MACROD1: variants seen among roughly 807,000 people sequenced by gnomAD.
The protein encoded by MACROD1 is ADP-ribose glycohydrolase MACROD1.
A neutral mutation model predicts 41.4 loss-of-function variants in MACROD1; 31 were observed. The observed-to-expected ratio is 0.75, with a 90% confidence interval of 0.56 to 1.01. The LOEUF is 1.01. Ranked by LOEUF, MACROD1 falls within the 50% of genes least tolerant of loss-of-function variation. The pLI is 0.00. For synonymous variants in MACROD1, 252 were observed against 203.4 expected, an observed-to-expected ratio of 1.24 and a Z score of -2.03; for missense variants, 473 against 460.0, an observed-to-expected ratio of 1.03 and a Z score of -0.26.
intron 5 of MACROD1, 38 bp from the exon 6 acceptor site, chr11:63,999,801 C>A (rs752156441): frequency 6.3e-7 from 1 of 1,585,412 alleles, no homozygotes; most frequent in Admixed American, 1.7e-5. Context: ...CGGGGGTCTA[C>A]GCGGTCCTCA....
chr11:64,148,296 C>G lies in MACROD1; in HGVS notation c.517+2943G>C, dbSNP rs928876353. On this transcript the variant is annotated intron_variant, in intron 3 of 10. Transcript: ENST00000255681. Reference sequence around the variant, plus strand: ...TCCCTCACAGCCCTCTCCTAGCTCCCACTGCACCCTTCCCCTCCACATCCC... The same window carrying G: ...TCCCTCACAGCCCTCTCCTAGCTCCGACTGCACCCTTCCCCTCCACATCCC... Among the ~76,000 whole-genome samples the G allele has an allele frequency of 2.6e-5, 4 of 152,196 alleles. No homozygotes were observed. The South Asian group carries it at 8.3e-4, about 31-fold the overall frequency.
At position 64,106,236 on chromosome 11, in the gene MACROD1, C is replaced by A. The variant is rs150597570; in HGVS notation, c.517+45003G>T. Among the ~76,000 whole-genome samples, 8 of 152,302 alleles carry A rather than the reference C, an allele frequency of 5.3e-5. No homozygotes were observed. In the East Asian group the frequency reaches 1.4e-3, roughly 26 times the overall value. The stretch of plus-strand genomic sequence containing the variant: ...ACCCCTCTGCCATCTGCTGCACAAT[C>A]CAGACCTTTCCCTTTGCCTCTTTGG... On this transcript the variant is annotated intron_variant, in intron 3 of 10. Transcript: ENST00000255681.
At position 64,084,857 on chromosome 11, in the gene MACROD1, A is replaced by G. The variant is rs547385212; in HGVS notation, c.517+66382T>C. Reference sequence around the variant, plus strand: ...TGCCCCGGCCCGGGAGGGGCGCAAGACCACAGGACTCACAGGGAGAGCTGC... The same window carrying G: ...TGCCCCGGCCCGGGAGGGGCGCAAGGCCACAGGACTCACAGGGAGAGCTGC... On this transcript the variant is annotated intron_variant, in intron 3 of 10. Transcript: ENST00000255681. 8.5e-5 allele frequency among the ~76,000 whole-genome samples: 13 copies of G among 152,288 alleles called. No individual in the cohort carries two copies. In the East Asian group the frequency reaches 2.5e-3, roughly 29 times the overall value.
intron 3 of MACROD1, among the ~76,000 whole-genome samples, chr11:64,132,197 T>C (rs1276016636): frequency 6.6e-6 from 1 of 151,788 alleles, no homozygotes; most frequent in Non-Finnish European, 1.5e-5. Flanking sequence ...TCCTCCAAGC[T>C]CTCGAGCCCT....
At chr11:64,027,142 C>T (rs538448327) in intron 3 of MACROD1, among the ~76,000 whole-genome samples, 5 of 152,314 alleles carry the variant, frequency 3.3e-5, no homozygotes, top group African/African-American at 4.8e-5. Context: ...ATGAGGCCAC[C>T]GATGTCACAG....
chr11:64,048,863 G>A (rs1162803575), intron 3 of MACROD1, among the ~76,000 whole-genome samples: 3 of 152,182 alleles, frequency 2.0e-5, no homozygotes. Flanking sequence ...GCCATCCCAT[G>A]GTGCAAACCC....
chr11:64,123,547 T>TGG (rs1402028887), intron 3 of MACROD1, among the ~76,000 whole-genome samples: 1 of 21,618 alleles, frequency 4.6e-5, no homozygotes, highest in African/African-American at 1.9e-4. Context: ...GTGGGGGGGT[T>TGG]GGGGGTGCAA....
At position 64,137,479 on chromosome 11, in the gene MACROD1, A is replaced by AGTTATGGATCCTAAAATCTT. The variant is rs1182663063; in HGVS notation, c.517+13740_517+13759dup. On this transcript the variant is annotated intron_variant, in intron 3 of 10. Coordinates refer to ENST00000255681, the MANE Select transcript of MACROD1 (RefSeq NM_014067.4). Reference sequence around the variant, plus strand: ...AACTTAAATTGACTTCCAAGCTTGGAGTTATGGATCCTAAAATCTTGTTAC... The same window carrying AGTTATGGATCCTAAAATCTT: ...AACTTAAATTGACTTCCAAGCTTGGAGTTATGGATCCTAAAATCTTGTTATGGATCCTAAAATCTTGTTAC... 2.6e-5 allele frequency among the ~76,000 whole-genome samples: 4 copies of AGTTATGGATCCTAAAATCTT among 152,212 alleles called. No homozygotes were observed. In the East Asian group the frequency reaches 7.7e-4, roughly 29 times the overall value.
intron 3 of MACROD1, among the ~76,000 whole-genome samples, chr11:64,097,044 C>T (rs1001536378): frequency 6.6e-6 from 1 of 152,368 alleles, no homozygotes; most frequent in Non-Finnish European, 1.5e-5. Flanking sequence ...ACTCTTCAGG[C>T]GCCTGCCTGC....
At chr11:64,153,313 C>G (rs1945613691) in intron 1 of MACROD1, among the ~76,000 whole-genome samples, 1 of 152,230 alleles carries the variant, frequency 6.6e-6, no homozygotes, top group Non-Finnish European at 1.5e-5. Context: ...CCACAGGCTC[C>G]CGGGATGGGG....
At chr11:64,127,457 C>T (rs1389880015) in intron 3 of MACROD1, among the ~76,000 whole-genome samples, 1 of 152,130 alleles carries the variant, frequency 6.6e-6, no homozygotes, top group East Asian at 1.9e-4. Flanking sequence ...CACCCCTCCC[C>T]GGGCCTTGCC....
At chr11:64,084,462 G>A (rs1160140213) in intron 3 of MACROD1, among the ~76,000 whole-genome samples, 4 of 152,214 alleles carry the variant, frequency 2.6e-5, no homozygotes, top group Non-Finnish European at 2.9e-5. Context: ...GGAGGCAGCA[G>A]CAAAGAGGCA....
chr11:64,088,519 G>A (rs1944434773), intron 3 of MACROD1, among the ~76,000 whole-genome samples: 1 of 152,214 alleles, frequency 6.6e-6, no homozygotes, highest in African/African-American at 2.4e-5. Flanking sequence ...GGACGGCAGA[G>A]GCTGACTCTC....
At chr11:64,001,767 G>A (rs1301218648) in intron 4 of MACROD1, 3 of 702,086 alleles carry the variant, frequency 4.3e-6, no homozygotes, top group Non-Finnish European at 5.2e-6. Flanking sequence ...CAAGAAGGCA[G>A]GGCCCAGAGC....
chr11:64,132,024 C>T (rs1468477395), intron 3 of MACROD1, among the ~76,000 whole-genome samples: 1 of 152,092 alleles, frequency 6.6e-6, no homozygotes, highest in Non-Finnish European at 1.5e-5. Flanking sequence ...CTCCCCATGC[C>T]GGAGCTGCTG....
At chr11:64,015,404 C>T in intron 3 of MACROD1, 123 bp from the exon 4 acceptor site, 2 of 831,622 alleles carry the variant, frequency 2.4e-6, no homozygotes, top group Admixed American at 2.5e-5. Context: ...GACTTGGGCA[C>T]AGGGTCTTCC....
intron 3 of MACROD1, among the ~76,000 whole-genome samples, chr11:64,130,403 T>C (rs1393851035): frequency 1.3e-5 from 2 of 152,176 alleles, no homozygotes; most frequent in Non-Finnish European, 2.9e-5. Flanking sequence ...CTTACCTGGC[T>C]ACCACTGGGT....
intron 3 of MACROD1, among the ~76,000 whole-genome samples, chr11:64,070,056 C>G (rs1944078539): frequency 6.6e-6 from 1 of 152,178 alleles, no homozygotes; most frequent in Non-Finnish European, 1.5e-5. Flanking sequence ...GTGCTAAGCA[C>G]TCCCTGCAGC....
chr11:64,138,602 G>A, intron 3 of MACROD1: 1 of 965,140 alleles, frequency 1.0e-6, no homozygotes, highest in Non-Finnish European at 1.2e-6. Context: ...GCAGAGGAAT[G>A]GCTGACAGCC....
Sources: allele counts gnomAD v4.1 joint callset (sites outside exome capture counted in the v4.1 genomes callset), GRCh38; gene constraint gnomAD v4.1.1; transcripts MANE v1.5; gene names NCBI Gene and HGNC (gene_info 2026-07-23, HGNC 2026-07-21).